ZNF385D: variants seen among roughly 807,000 people sequenced by gnomAD.
ZNF385D encodes zinc finger protein 659.
A neutral mutation model predicts 35.8 loss-of-function variants in ZNF385D; 15 were observed. The ratio of observed to expected loss-of-function variants is 0.42; its 90% CI spans 0.28 to 0.64. The LOEUF is 0.64. Among genes scored for constraint, ZNF385D ranks in the 30% least tolerant of loss-of-function variants. ZNF385D has a pLI of 0.23. For missense variants in ZNF385D, 474 were observed against 494.6 expected (o/e 0.96, Z 0.39); for synonymous variants, 212 against 186.8 (o/e 1.13, Z -1.10).
intron 2 of ZNF385D, among the ~76,000 whole-genome samples, chr3:21,602,988 C>T (rs6769497): frequency 1.3e-5 from 2 of 152,142 alleles, no homozygotes; most frequent in Admixed American, 6.5e-5. Flanking sequence ...AGTCATACCC[C>T]CTCTTGCTTC....
chr3:22,252,927 A>G (rs1700135378), intron 2 of ZNF385D, among the ~76,000 whole-genome samples: 1 of 152,090 alleles, frequency 6.6e-6, no homozygotes. Flanking sequence ...TCTTTATCCT[A>G]TAGGCATCAA....
chr3:21,966,700 G>A (rs1702934447), intron 3 of ZNF385D, among the ~76,000 whole-genome samples: 2 of 152,138 alleles, frequency 1.3e-5, no homozygotes, highest in South Asian at 4.1e-4. Context: ...TCCTGCCTCA[G>A]CCTCTGGAAT....
rs543249818 is a variant in ZNF385D, at chr3:21,525,933, A to AT, written c.277-14911dup. ...CTTTCATTTCCTAAACCAGCAAGTGATTTTTTTTCCCCTTGGGCATATATT... is the reference window on the plus strand; with the variant it reads ...CTTTCATTTCCTAAACCAGCAAGTGATTTTTTTTTCCCCTTGGGCATATATT... On this transcript the variant is annotated intron_variant, in intron 3 of 7. Transcript: ENST00000281523. Among the ~76,000 whole-genome samples the AT allele has an allele frequency of 1.4e-3, 215 of 151,892 alleles. 7 individuals carry two copies. The East Asian group carries it at 0.026, about 18-fold the overall frequency.
intron 2 of ZNF385D, among the ~76,000 whole-genome samples, chr3:21,656,844 A>G (rs1477738756): frequency 1.3e-5 from 2 of 151,922 alleles, no homozygotes; most frequent in South Asian, 4.1e-4. Flanking sequence ...TCATTTTAAC[A>G]TGTCTATGTC....
At chr3:21,972,319 A>G (rs1703307927) in intron 3 of ZNF385D, among the ~76,000 whole-genome samples, 1 of 152,002 alleles carries the variant, frequency 6.6e-6, no homozygotes, top group Admixed American at 6.6e-5. Flanking sequence ...ATTAAACAAT[A>G]TGGTCCTGAA....
At chr3:21,955,790 A>T (rs1165030045) in intron 3 of ZNF385D, among the ~76,000 whole-genome samples, 2 of 152,278 alleles carry the variant, frequency 1.3e-5, no homozygotes, top group East Asian at 3.9e-4. Context: ...TGCCAATTCC[A>T]TACTGGCACA....
At chr3:21,631,966 G>C (rs2065294432) in intron 2 of ZNF385D, among the ~76,000 whole-genome samples, 1 of 152,122 alleles carries the variant, frequency 6.6e-6, no homozygotes, top group Non-Finnish European at 1.5e-5. Flanking sequence ...TAAAATCCAA[G>C]CTTAAATAAG....
intron 3 of ZNF385D, among the ~76,000 whole-genome samples, chr3:21,821,459 A>T (rs893259789): frequency 2.0e-5 from 3 of 152,220 alleles, no homozygotes; most frequent in African/African-American, 7.2e-5. Flanking sequence ...ACTTAGAATT[A>T]AAAAATACAG....
At chr3:22,020,409 G>C (rs139426278) in intron 3 of ZNF385D, among the ~76,000 whole-genome samples, 6 of 151,854 alleles carry the variant, frequency 4.0e-5, no homozygotes, top group African/African-American at 1.4e-4. Flanking sequence ...GATAAGTTCT[G>C]TGCTCCAGCA....
At chr3:21,667,012 G>A (rs768700442) in intron 1 of ZNF385D, among the ~76,000 whole-genome samples, 1 of 152,122 alleles carries the variant, frequency 6.6e-6, no homozygotes, top group East Asian at 1.9e-4. Context: ...AGGAGGCAGA[G>A]GTTGCAGTAA....
intron 3 of ZNF385D, among the ~76,000 whole-genome samples, chr3:22,063,672 C>T (rs898148940): frequency 5.3e-5 from 8 of 152,166 alleles, no homozygotes; most frequent in South Asian, 2.1e-4. Context: ...AGGCATGCTG[C>T]GTGCTGATAG....
chr3:22,120,108 G>A (rs548488911), intron 3 of ZNF385D, among the ~76,000 whole-genome samples: 2 of 151,568 alleles, frequency 1.3e-5, no homozygotes, highest in South Asian at 2.1e-4. Flanking sequence ...AGGATTACAG[G>A]TGTGATTCAC....
intron 2 of ZNF385D, among the ~76,000 whole-genome samples, chr3:21,580,737 T>C (rs1018373127): frequency 6.6e-6 from 1 of 152,026 alleles, no homozygotes; most frequent in African/African-American, 2.4e-5. Context: ...CTTGTTTTTA[T>C]GTTTTGCTCA....
At chr3:22,340,466 T>G (rs534158683) in intron 2 of ZNF385D, among the ~76,000 whole-genome samples, 5 of 152,110 alleles carry the variant, frequency 3.3e-5, no homozygotes, top group Admixed American at 3.3e-4. Flanking sequence ...GCCAACATGG[T>G]GAAACCTTAT....
At chr3:21,573,867 C>G (rs2063409370) in intron 2 of ZNF385D, among the ~76,000 whole-genome samples, 3 of 151,776 alleles carry the variant, frequency 2.0e-5, no homozygotes, top group Admixed American at 6.6e-5. Context: ...CAAGACAAGC[C>G]TGGCCAACAT....
intron 3 of ZNF385D, among the ~76,000 whole-genome samples, chr3:22,112,875 T>G (rs1027903097): frequency 1.3e-5 from 2 of 152,126 alleles, no homozygotes; most frequent in Non-Finnish European, 2.9e-5. Context: ...TTCTACCCAG[T>G]TCAGGTCCAC....
At chr3:21,469,062 T>G (rs1703716977) in intron 4 of ZNF385D, among the ~76,000 whole-genome samples, 1 of 152,142 alleles carries the variant, frequency 6.6e-6, no homozygotes, top group South Asian at 2.1e-4. Flanking sequence ...TGAGTAAAAT[T>G]TCTAGGGTGA....
chr3:22,017,075 A>G (rs1253393317), intron 3 of ZNF385D, among the ~76,000 whole-genome samples: 1 of 152,058 alleles, frequency 6.6e-6, no homozygotes, highest in African/African-American at 2.4e-5. Flanking sequence ...TATAAACATA[A>G]AAAGAGTATT....
intron 2 of ZNF385D, among the ~76,000 whole-genome samples, chr3:22,265,817 T>A (rs1446055016): frequency 6.6e-6 from 1 of 152,006 alleles, no homozygotes; most frequent in African/African-American, 2.4e-5. Flanking sequence ...ATTTTAGGCC[T>A]GGTGTGGTAG....
Sources: allele counts gnomAD v4.1 joint callset (sites outside exome capture counted in the v4.1 genomes callset), GRCh38; gene constraint gnomAD v4.1.1; transcripts MANE v1.5; gene names NCBI Gene and HGNC (gene_info 2026-07-23, HGNC 2026-07-21).